The following NBEAL2 variants were observed in gnomAD, a reference collection of about 807,000 sequenced individuals.
The protein encoded by NBEAL2 is neurobeachin-like protein 2.
In NBEAL2, 160 loss-of-function variants were observed where a neutral mutation model predicts 299.8. That is an observed-to-expected ratio of 0.53 (90% CI 0.47 to 0.61). The LOEUF is 0.61. Ranked by LOEUF, NBEAL2 falls within the 20% of genes least tolerant of loss-of-function variation. The pLI is 0.00. For synonymous variants in NBEAL2, 1,493 were observed against 1,542.3 expected (o/e 0.97, Z 0.75); for missense variants, 3,112 against 3,649.0 (o/e 0.85, Z 3.79).
rs1470839296 is a variant in NBEAL2 at position 46,998,750 on chromosome 3, C to A, written c.3255C>A (p.Asp1085Glu). The part of the protein sequence containing the change: ...PQRERPLAAD[D>E]LRTVQTSLLG... The stretch of plus-strand genomic sequence containing the variant: ...GGGAGCGCCCCCTGGCTGCTGACGA[C>A]CTACGCACCGTGCAGACCTCCCTCC... Residue 1085 changes from aspartate to glutamate, a missense_variant, in exon 23 of 54, where the codon GAC becomes GAA. Coordinates refer to ENST00000450053, the MANE Select transcript of NBEAL2 (RefSeq NM_015175.3). The A allele has an allele frequency of 1.3e-6, 2 of 1,582,920 alleles. No individual in the cohort carries two copies. The highest frequency in any genetic ancestry group is 2.3e-5 in the East Asian group (1 of 43,144).
At position 46,989,426 on chromosome 3, in the gene NBEAL2, G is replaced by C. The variant is rs1486435817; in HGVS notation, c.473+45G>C. On this transcript the variant is annotated intron_variant, in intron 5 of 53. Transcript: ENST00000450053. The surrounding 1 kb of genome is among the most constrained non-coding windows in gnomAD (Gnocchi z 5.5). Reference sequence around the variant, plus strand: ...AAGGGAACCCAGAGGAGGGTGGGGAGAGGATGGCCGCGCTGGGCCCAAGGA... The same window carrying C: ...AAGGGAACCCAGAGGAGGGTGGGGACAGGATGGCCGCGCTGGGCCCAAGGA... 6.4e-7 allele frequency: 1 copy of C among 1,565,306 alleles called. No individual in the cohort carries two copies. Among genetic ancestry groups the C allele is most frequent in the Non-Finnish European group, 8.7e-7 (1 of 1,155,060 alleles).
chr3:46,996,587 C>T lies in NBEAL2; in HGVS notation c.2468C>T (p.Thr823Ile), dbSNP rs755841855. Reference protein sequence around the residue: ...LQATALRTLCTLGPNETAPFK... With the variant: ...LQATALRTLCILGPNETAPFK... ...GCGACGGCTCTGAGGACCCTGTGCA[C>T]CCTGGGTATGCAGCATTCTCCATCT... Residue 823 changes from threonine to isoleucine, a missense_variant, in exon 16 of 54, where the codon ACC becomes ATC. By Grantham distance (89) the Thr-to-Ile change is moderately conservative. Around this residue, in one of 3 missense-constraint regions of NBEAL2, gnomAD observed 2,243 missense variants for 2,538.1 expected, o/e 0.88. Transcript: ENST00000450053. 1.3e-6 allele frequency: 2 copies of T among 1,529,288 alleles called. No individual in the cohort carries two copies. Among genetic ancestry groups the T allele is most frequent in the African/African-American group, 2.8e-5 (2 of 72,546 alleles). The allele number at this position is 1,529,288 out of a possible 1,614,324, so 94.7% of individuals were successfully genotyped here. A position where few individuals can be genotyped will look rare whatever the true frequency, so the allele number is the denominator to read the frequency against.
At position 47,000,269 on chromosome 3, in the gene NBEAL2, G is replaced by A. The variant is rs139822454; in HGVS notation, c.4170G>A (p.Ser1390=). The A allele has an allele frequency of 9.4e-4, 1,512 of 1,612,972 alleles. 12 individuals are homozygous for A. In the African/African-American group the frequency reaches 0.018, roughly 19 times the overall value. Residue 1390 remains serine, a synonymous_variant, in exon 27 of 54, where the codon TCG becomes TCA. Transcript: ENST00000450053. This position sits in a 1 kb window ranked among gnomAD's most constrained non-coding sequence, Gnocchi z 4.5. The part of the protein sequence containing the change: ...LTPASQPGTP[S]PLDGPRPFPA... Reference sequence around the variant, plus strand: ...CAGCCAGCCAGCCCGGCACTCCTTCGCCACTGGATGGGCCGCGGCCCTTTC... The same window carrying A: ...CAGCCAGCCAGCCCGGCACTCCTTCACCACTGGATGGGCCGCGGCCCTTTC...
Position 47,004,898 on chromosome 3 carries a change from G to A in NBEAL2, c.6295-74G>A. On this transcript the variant is annotated intron_variant, in intron 38 of 53. Coordinates refer to ENST00000450053, the MANE Select transcript of NBEAL2 (RefSeq NM_015175.3). This position sits in a 1 kb window ranked among gnomAD's most constrained non-coding sequence, Gnocchi z 5.0. ...GCAGGCTCTGTGCCCGCCTTCTTGA[G>A]GGTGTGGGCAGGGCAGGGTGGGCTG... 1 of 1,550,300 alleles carries A rather than the reference G, an allele frequency of 6.5e-7. No homozygotes were observed. Among genetic ancestry groups the A allele is most frequent in the Non-Finnish European group, 8.7e-7 (1 of 1,146,716 alleles).
chr3:47,009,188 G>C (rs993359471), intron 53 of NBEAL2, 31 bp from the exon 54 acceptor site: 14 of 1,569,622 alleles, frequency 8.9e-6, no homozygotes, highest in Non-Finnish European at 1.2e-5. Context: ...GGCGATCCCA[G>C]CTGATCCTAC....
rs531280710 is a variant in NBEAL2, at chr3:47,003,586, G to A, written c.5721-230G>A. ...GGGAGTGGGCAGGGGCTGGGTGAGG[G>A]GAGCAGGGGACAAGGGTTGGCATCC... is the stretch of plus-strand genomic sequence containing the variant. On this transcript the variant is annotated intron_variant, in intron 35 of 53. Coordinates refer to ENST00000450053, the MANE Select transcript of NBEAL2 (RefSeq NM_015175.3). This position sits in a 1 kb window ranked among gnomAD's most constrained non-coding sequence, Gnocchi z 7.0. 6.6e-6 allele frequency among the ~76,000 whole-genome samples: 1 copy of A among 152,196 alleles called. No individual in the cohort carries two copies. Among genetic ancestry groups the A allele is most frequent in the East Asian group, 1.9e-4 (1 of 5,174 alleles).
chr3:46,998,662 CCT>C (rs2036699095), intron 22 of NBEAL2, 53 bp from the exon 23 acceptor site: 1 of 1,553,412 alleles, frequency 6.4e-7, no homozygotes, highest in Non-Finnish European at 8.7e-7. Flanking sequence ...ACCTGCCCAC[CCT>C]CTCTCCCCGC....
chr3:46,994,372 G>A (rs2107330938), intron 11 of NBEAL2, 83 bp from the exon 12 acceptor site: 1 of 1,281,966 alleles, frequency 7.8e-7, no homozygotes, highest in East Asian at 2.5e-5. Context: ...AAAACATGAT[G>A]CCCCTCCAGA....
intron 1 of NBEAL2, among the ~76,000 whole-genome samples, chr3:46,983,911 A>T (rs1355747331): frequency 6.6e-6 from 1 of 152,116 alleles, no homozygotes; most frequent in Non-Finnish European, 1.5e-5. Flanking sequence ...TAGTGATAGT[A>T]AAAGGGATTG....
intron 1 of NBEAL2, among the ~76,000 whole-genome samples, chr3:46,981,142 C>G (rs1464417989): frequency 6.6e-6 from 1 of 152,162 alleles, no homozygotes; most frequent in Admixed American, 6.5e-5. Flanking sequence ...TGCTTCCTGC[C>G]TGTAAAACTG....
chr3:46,991,804 G>T lies in NBEAL2; in HGVS notation c.926-36G>T. Reference sequence around the variant, plus strand: ...AGGAAGGCTTAAGGCTGCCTAGAGGGGTCTGGGCAGGGCCTGACCCTTGAC... The same window carrying T: ...AGGAAGGCTTAAGGCTGCCTAGAGGTGTCTGGGCAGGGCCTGACCCTTGAC... On this transcript the variant is annotated intron_variant, in intron 8 of 53. Coordinates refer to ENST00000450053, the MANE Select transcript of NBEAL2 (RefSeq NM_015175.3). This position sits in a 1 kb window ranked among gnomAD's most constrained non-coding sequence, Gnocchi z 6.2. The T allele has an allele frequency of 6.4e-7, 1 of 1,567,778 alleles. No homozygotes were observed.
chr3:47,008,010 C>T (rs764414860), intron 49 of NBEAL2, 60 bp from the exon 50 acceptor site: 7 of 1,590,068 alleles, frequency 4.4e-6, no homozygotes, highest in Non-Finnish European at 5.2e-6. Context: ...TAGTCTTGGA[C>T]AAGGCCTTCA....
chr3:46,999,383 G>T lies in NBEAL2; in HGVS notation c.3612G>T (p.Glu1204Asp). 1 of 1,606,894 alleles carries T rather than the reference G, an allele frequency of 6.2e-7. No homozygotes were observed. The highest frequency in any genetic ancestry group is 8.5e-7 in the Non-Finnish European group (1 of 1,177,416). ...ERSRQRLRLR[E>D]CGLQGLVACL... ...GCCGCCAGCGCCTCCGGCTGCGGGA[G>T]TGTGGTCTCCAGGGTCTGGTTGCCT... The change falls in exon 25 of 54, where the codon GAG becomes GAT. Residue 1204 changes from glutamate to aspartate, a missense_variant. Glu to Asp is a conservative substitution (Grantham distance 45). This residue lies in a region of NBEAL2 where 2,243 missense variants were observed against 2,538.1 expected (regional missense o/e 0.88). Coordinates refer to ENST00000450053, the MANE Select transcript of NBEAL2 (RefSeq NM_015175.3).
intron 26 of NBEAL2, 30 bp from the exon 27 acceptor site, chr3:46,999,859 C>T (rs1366509187): frequency 3.1e-6 from 5 of 1,598,232 alleles, no homozygotes; most frequent in Non-Finnish European, 3.4e-6. Flanking sequence ...CAGTTGGATG[C>T]GTCCTCACTT....
chr3:46,989,021 G>A lies in NBEAL2; in HGVS notation c.269+51G>A, dbSNP rs368000247. 3.7e-4 allele frequency: 601 copies of A among 1,611,758 alleles called. 6 individuals carry two copies. In the South Asian group the frequency reaches 5.9e-3, roughly 16 times the overall value. On this transcript the variant is annotated intron_variant, in intron 3 of 53. Transcript: ENST00000450053. This position sits in a 1 kb window ranked among gnomAD's most constrained non-coding sequence, Gnocchi z 5.5. ...CAGGGGCCTAGAACTGTGGGCCAGA[G>A]GGAGAGGGGACAAGGAGGGGCATGG...
rs2107226778 is a variant in NBEAL2 at position 46,979,793 on chromosome 3, G to A, written c.-69G>A. On this transcript the variant is annotated 5_prime_UTR_variant, in exon 1 of 54. Transcript: ENST00000450053. ...CCTCCGCCCATGGGCCTGGCCGAGG[G>A]CAACCGGCGGGCGGCGCGGAGGAGG... The A allele has an allele frequency of 5.2e-6, 2 of 383,576 alleles. 1 individual carries two copies. Among genetic ancestry groups the A allele is most frequent in the East Asian group, 8.0e-5 (2 of 25,124 alleles). 23.8% of individuals were successfully genotyped at this position (383,576 alleles called of 1,614,324 possible).
rs1236941864 is a variant in NBEAL2, at chr3:47,000,494, G to A, written c.4305+90G>A. On this transcript the variant is annotated intron_variant, in intron 27 of 53. Transcript: ENST00000450053. The surrounding 1 kb of genome is among the most constrained non-coding windows in gnomAD (Gnocchi z 4.5). ...CTGGCAGTGTAGCCTCTCCAAAGGTGTGGCCCTGTCTGACCAGGGTTGCAG... is the reference window on the plus strand; with the variant it reads ...CTGGCAGTGTAGCCTCTCCAAAGGTATGGCCCTGTCTGACCAGGGTTGCAG... The A allele has an allele frequency of 3.4e-5, 50 of 1,489,152 alleles. No individual in the cohort carries two copies. The highest frequency in any genetic ancestry group is 1.8e-4 in the Middle Eastern group (1 of 5,420). 92.2% of individuals were successfully genotyped at this position (1,489,152 alleles called of 1,614,324 possible). A position where few individuals can be genotyped will look rare whatever the true frequency, so the allele number is the denominator to read the frequency against.
Position 46,988,083 on chromosome 3 carries a change from C to CTGGG in NBEAL2, c.52-586_52-585insTGGG. On this transcript the variant is annotated intron_variant, in intron 1 of 53. Transcript: ENST00000450053. This position sits in a 1 kb window ranked among gnomAD's most constrained non-coding sequence, Gnocchi z 4.4. ...CTCTGGGGCCTGGGGTCCAGGTAAC[C>CTGGG]AGCAAGGGTGGGTGGAGGTTCCCGG... 8.2e-7 allele frequency: 1 copy of CTGGG among 1,223,448 alleles called. No homozygotes were observed. The highest frequency in any genetic ancestry group is 1.4e-5 in the South Asian group (1 of 72,814). 75.8% of individuals were successfully genotyped at this position (1,223,448 alleles called of 1,614,324 possible).
In NBEAL2 at chr3:46,989,245, TC is replaced by T; in HGVS notation, c.352-11del. On this transcript the variant is annotated splice_polypyrimidine_tract_variant and intron_variant, in intron 4 of 53. Coordinates refer to ENST00000450053, the MANE Select transcript of NBEAL2 (RefSeq NM_015175.3). The surrounding 1 kb of genome is among the most constrained non-coding windows in gnomAD (Gnocchi z 5.5). ...TAGCCATGGCGGGGCTAACCCTCTC[TC>T]CCCACACCTACAGCTGAAAGGATGC... is the stretch of plus-strand genomic sequence containing the variant. 2 of 1,612,168 alleles carry T rather than the reference TC, an allele frequency of 1.2e-6. No homozygotes were observed. The highest frequency in any genetic ancestry group is 1.7e-6 in the Non-Finnish European group (2 of 1,179,102).
Sources: gnomAD v4.1 joint callset for allele counts (sites outside exome capture counted in the v4.1 genomes callset) on GRCh38, gnomAD v4.1.1 for gene constraint, gnomAD v4.1.1 regional missense constraint, Gnocchi (gnomAD v3.1) non-coding constraint, MANE v1.5 for transcripts, NCBI Gene and HGNC (gene_info 2026-07-23, HGNC 2026-07-21) for gene names.